NCOA6: variants seen among roughly 807,000 people sequenced by gnomAD.
NCOA6 encodes the protein NRC RAP250.
NCOA6 carries 49 observed loss-of-function variants against 171.4 expected under a neutral mutation model. The observed-to-expected ratio is 0.29, with a 90% confidence interval of 0.23 to 0.36. NCOA6 has a LOEUF of 0.36. Ranked by LOEUF, NCOA6 falls within the 10% of genes least tolerant of loss-of-function variation. The probability of loss-of-function intolerance (pLI) is 1.00; values close to 1 mark genes in which losing one functional copy is unlikely to be tolerated. For synonymous variants in NCOA6, 910 were observed against 927.5 expected (o/e 0.98, Z 0.34); for missense variants, 2,248 against 2,554.5 (o/e 0.88, Z 2.59).
chr20:34,787,810 T>C (rs994763180), intron 2 of NCOA6, among the ~76,000 whole-genome samples: 7 of 151,960 alleles, frequency 4.6e-5, no homozygotes, highest in Admixed American at 2.6e-4. Context: ...GACTACCCCA[T>C]AGGCAGTGTG....
chr20:34,823,364 A>AAAAAG (rs143929618), intron 1 of NCOA6, among the ~76,000 whole-genome samples: 9 of 152,156 alleles, frequency 5.9e-5, no homozygotes, highest in Admixed American at 1.3e-4. Context: ...CAAACAGAAA[A>AAAAAG]AAAAGAAAAG....
intron 14 of NCOA6, among the ~76,000 whole-genome samples, chr20:34,723,064 A>G (rs1272394391): frequency 6.6e-6 from 1 of 152,128 alleles, no homozygotes; most frequent in Non-Finnish European, 1.5e-5. Context: ...ACTGGTAAAC[A>G]TGTTTCCCTG....
chr20:34,802,648 T>C (rs990308634), intron 1 of NCOA6, among the ~76,000 whole-genome samples: 1 of 152,002 alleles, frequency 6.6e-6, no homozygotes, highest in Non-Finnish European at 1.5e-5. Flanking sequence ...GAAATAATAC[T>C]ATGATCATAT....
chr20:34,768,969 T>C (rs2077059326), intron 4 of NCOA6, among the ~76,000 whole-genome samples: 4 of 152,100 alleles, frequency 2.6e-5, no homozygotes, highest in Admixed American at 2.6e-4. Flanking sequence ...GACTTCCTTT[T>C]GGTAATTTAT....
Position 34,742,271 on chromosome 20 carries a change from T to G in NCOA6, c.3985A>C (p.Ser1329Arg). 1 of 1,614,244 alleles carries G rather than the reference T, an allele frequency of 6.2e-7. No homozygotes were observed. Among genetic ancestry groups the G allele is most frequent in the Non-Finnish European group, 8.5e-7 (1 of 1,180,054 alleles). The change falls in exon 11 of 15, where the codon AGT becomes CGT. Residue 1329 changes from serine (S) to arginine (R), a missense_variant. Transcript: ENST00000359003. ...CTGGACCCAGGACTAGACCTGCGAC[T>G]GTTGCTTGGACTTGCCCGTTTTGTT... ...GATKRASPSN[S>R]RRSSPGSSRK...
intron 1 of NCOA6, among the ~76,000 whole-genome samples, chr20:34,794,191 C>G (rs1386630596): frequency 1.3e-5 from 2 of 152,130 alleles, no homozygotes; most frequent in African/African-American, 4.8e-5. Context: ...GAGGCTAAGA[C>G]AGGAGGACTA....
chr20:34,772,691 C>T (rs924830821), intron 4 of NCOA6, among the ~76,000 whole-genome samples: 4 of 151,364 alleles, frequency 2.6e-5, no homozygotes, highest in Non-Finnish European at 5.9e-5. Context: ...TCTGAGCCAG[C>T]GGGGCTGCCA....
intron 5 of NCOA6, among the ~76,000 whole-genome samples, chr20:34,768,010 TTCTAAATA>T (rs2077031955): frequency 6.6e-6 from 1 of 152,180 alleles, no homozygotes; most frequent in Non-Finnish European, 1.5e-5. Flanking sequence ...AACTCTCAAA[TTCTAAATA>T]CATAAAAACA....
intron 8 of NCOA6, among the ~76,000 whole-genome samples, chr20:34,753,942 GAGGATT>G (rs988226040): frequency 2.0e-5 from 3 of 152,212 alleles, no homozygotes; most frequent in Non-Finnish European, 2.9e-5. Context: ...GAAAGGGTAA[GAGGATT>G]AGTCATGTGG....
chr20:34,740,280 T>TA lies in NCOA6; in HGVS notation c.5893+82dup, dbSNP rs1228949158. ...TTTAGCCCATTCTCTTTCCTCCAAG[T>TA]AAAAAAGGAGTCATGCTTTCTCTTG... On this transcript the variant is annotated intron_variant, in intron 11 of 14. Coordinates refer to ENST00000359003, the MANE Select transcript of NCOA6 (RefSeq NM_014071.5). The TA allele has an allele frequency of 2.7e-6, 4 of 1,497,530 alleles. 1 individual carries two copies. In the Admixed American group the frequency reaches 9.1e-5, roughly 34 times the overall value. The allele number at this position is 1,497,530 out of a possible 1,614,324, so 92.8% of individuals were successfully genotyped here. A position where few individuals can be genotyped will look rare whatever the true frequency, so the allele number is the denominator to read the frequency against.
At chr20:34,769,845 TGAC>T (rs36024514) in intron 4 of NCOA6, among the ~76,000 whole-genome samples, 40,524 of 151,970 alleles carry the variant, frequency 0.27, 6,825 homozygotes, top group Non-Finnish European at 0.37. Flanking sequence ...TCCAAAATTT[TGAC>T]TATTGTTATT....
intron 8 of NCOA6, among the ~76,000 whole-genome samples, chr20:34,753,606 G>A (rs2076557467): frequency 6.6e-6 from 1 of 151,958 alleles, no homozygotes; most frequent in Non-Finnish European, 1.5e-5. Flanking sequence ...GCTGCAGTGA[G>A]CCGATATTGA....
At position 34,741,343 on chromosome 20, in the gene NCOA6, A is replaced by G; in HGVS notation, c.4913T>C (p.Val1638Ala). The change falls in exon 11 of 15, where the codon GTT (valine) becomes GCT (alanine). Residue 1638 changes from valine to alanine, a missense_variant. Coordinates refer to ENST00000359003, the MANE Select transcript of NCOA6 (RefSeq NM_014071.5). Reference protein sequence around the residue: ...VVTMPNAGSKVMVSEGQSAAQ... With the variant: ...VVTMPNAGSKAMVSEGQSAAQ... Reference sequence around the variant, plus strand: ...AGCTGACTGTCCCTCAGAAACCATAACCTTGCTACCCGCATTGGGCATTGT... The same window carrying G: ...AGCTGACTGTCCCTCAGAAACCATAGCCTTGCTACCCGCATTGGGCATTGT... The G allele has an allele frequency of 6.2e-7, 1 of 1,614,166 alleles. No individual in the cohort carries two copies. The highest frequency in any genetic ancestry group is 1.7e-5 in the Admixed American group (1 of 60,022).
chr20:34,812,582 AACATAT>A (rs1370695368), intron 1 of NCOA6, among the ~76,000 whole-genome samples: 1 of 152,204 alleles, frequency 6.6e-6, no homozygotes, highest in African/African-American at 2.4e-5. Context: ...ACATATTATA[AACATAT>A]TATAAACCGT....
At chr20:34,716,840 C>G (rs1047729483) in intron 14 of NCOA6, among the ~76,000 whole-genome samples, 8 of 151,746 alleles carry the variant, frequency 5.3e-5, no homozygotes, top group African/African-American at 1.9e-4. Flanking sequence ...CAAAGGTAAA[C>G]ACTTCTTTAG....
Position 34,741,034 on chromosome 20 carries a change from A to T in NCOA6, c.5222T>A (p.Val1741Asp). The change falls in exon 11 of 15, where the codon GTT becomes GAT. Residue 1741 changes from valine (V) to aspartate (D), a missense_variant. By Grantham distance (152) the Val-to-Asp change is radical (BLOSUM62 -3). This residue lies in a region of NCOA6 where 884 missense variants were observed against 941.9 expected (regional missense o/e 0.94). Coordinates refer to ENST00000359003, the MANE Select transcript of NCOA6 (RefSeq NM_014071.5). The part of the protein sequence containing the change: ...PLVLSSRATP[V>D]QLPSPPCTSS... ...CGTACAAGGAGGGGAAGGAAGCTGA[A>T]CAGGGGTGGCTCGTGAGCTAAGGAC... 1 of 1,614,238 alleles carries T rather than the reference A, an allele frequency of 6.2e-7. No homozygotes were observed. Among genetic ancestry groups the T allele is most frequent in the Non-Finnish European group, 8.5e-7 (1 of 1,180,038 alleles).
At chr20:34,817,338 G>A (rs1329436404) in intron 1 of NCOA6, among the ~76,000 whole-genome samples, 4 of 151,678 alleles carry the variant, frequency 2.6e-5, no homozygotes, top group Admixed American at 2.6e-4. Flanking sequence ...CTCTGAATTT[G>A]GTGCTCATTA....
chr20:34,749,679 T>A lies in NCOA6; in HGVS notation c.2516A>T (p.Asn839Ile). The A allele has an allele frequency of 6.2e-7, 1 of 1,614,192 alleles. No individual in the cohort carries two copies. The highest frequency in any genetic ancestry group is 1.3e-5 in the African/African-American group (1 of 75,062). Residue 839 changes from asparagine to isoleucine, a missense_variant, in exon 9 of 15, where the codon AAC (asparagine) becomes ATC (isoleucine). Transcript: ENST00000359003. ...VPPHVQAMQG[N>I]SASGNHFSGH... ...TGAGAAGTGGTTTCCCGAGGCACTG[T>A]TTCCCTGCATGGCCTGCACATGAGG...
chr20:34,776,630 G>C (rs1294464019), intron 3 of NCOA6, 182 bp from the exon 4 acceptor site: 2 of 737,980 alleles, frequency 2.7e-6, no homozygotes, highest in Non-Finnish European at 4.7e-6. Context: ...TTAGCACCTG[G>C]GTGACCATGA....
Sources: gnomAD v4.1 joint callset for allele counts (sites outside exome capture counted in the v4.1 genomes callset) on GRCh38, gnomAD v4.1.1 for gene constraint, gnomAD v4.1.1 regional missense constraint, MANE v1.5 for transcripts, NCBI Gene and HGNC (gene_info 2026-07-23, HGNC 2026-07-21) for gene names.